Variants in PID1 observed in about 807,000 individuals in gnomAD.
PID1 encodes the protein phosphotyrosine interaction domain containing 1, also known as PTB-containing, cubilin and LRP1-interacting protein.
In PID1, 10 loss-of-function variants were observed where a neutral mutation model predicts 19.1. The observed-to-expected ratio is 0.52, with a 90% CI of 0.32 to 0.89. PID1 has a LOEUF of 0.89. PID1 is among the 40% of genes least tolerant of loss of function. PID1 has a pLI of 0.03. For synonymous variants in PID1, 130 were observed against 116.0 expected, an observed-to-expected ratio of 1.12 and a Z score of -0.78; for missense variants, 248 against 285.3, an observed-to-expected ratio of 0.87 and a Z score of 0.94.
At chr2:229,134,403 CTTT>C (rs11354687) in intron 2 of PID1, among the ~76,000 whole-genome samples, 1 of 141,316 alleles carries the variant, frequency 7.1e-6, no homozygotes, top group Non-Finnish European at 1.5e-5. Flanking sequence ...CCACTCCTGG[CTTT>C]TTTTTTTTTG....
intron 2 of PID1, among the ~76,000 whole-genome samples, chr2:229,035,662 CCA>C (rs879931473): frequency 2.0e-5 from 3 of 152,128 alleles, no homozygotes; most frequent in Non-Finnish European, 2.9e-5. Context: ...CCCAAGTCCT[CCA>C]CCACAAAACA....
At chr2:229,191,776 C>A (rs753480130) in intron 1 of PID1, among the ~76,000 whole-genome samples, 1 of 152,072 alleles carries the variant, frequency 6.6e-6, no homozygotes, top group Non-Finnish European at 1.5e-5. Context: ...TAAATCTCAT[C>A]AACTAAAGAG....
chr2:229,105,856 C>T (rs1032246070), intron 2 of PID1, among the ~76,000 whole-genome samples: 1 of 151,924 alleles, frequency 6.6e-6, no homozygotes, highest in East Asian at 1.9e-4. Context: ...GAGGCAGGCA[C>T]ATCATGAGGT....
At chr2:229,264,793 G>A (rs527684803) in intron 1 of PID1, among the ~76,000 whole-genome samples, 14 of 152,284 alleles carry the variant, frequency 9.2e-5, no homozygotes, top group Non-Finnish European at 1.3e-4. Context: ...GAATAGGACC[G>A]TGAGTCCTCT....
At chr2:229,081,214 C>T (rs772823384) in intron 2 of PID1, among the ~76,000 whole-genome samples, 1 of 152,138 alleles carries the variant, frequency 6.6e-6, no homozygotes, top group Non-Finnish European at 1.5e-5. Context: ...CATTCAAATA[C>T]ATTTAACCAT....
At chr2:229,145,155 G>GTGTATATATATATATATATA (rs1391018424) in intron 2 of PID1, among the ~76,000 whole-genome samples, 1 of 119,936 alleles carries the variant, frequency 8.3e-6, no homozygotes, top group African/African-American at 3.2e-5. Context: ...ATATGTATGT[G>GTGTATATATATATATATATA]TATATATATA....
At chr2:229,269,843 G>T (rs1466326891) in intron 1 of PID1, among the ~76,000 whole-genome samples, 1 of 152,092 alleles carries the variant, frequency 6.6e-6, no homozygotes, top group Non-Finnish European at 1.5e-5. Context: ...GGTGTCTCAG[G>T]CTCTGATAAA....
rs1200049219 is a variant in PID1 at position 229,096,045 on chromosome 2, AT to A, written c.177+59772del. 6.6e-5 allele frequency among the ~76,000 whole-genome samples: 10 copies of A among 152,334 alleles called. No homozygotes were observed. The East Asian group carries it at 1.7e-3, about 26-fold the overall frequency. ...TGTCAAATGATGTTGGAGAATAGTC[AT>A]ATAAGTAACAGATAGAGAAATGTCC... On this transcript the variant is annotated intron_variant, in intron 2 of 2. Transcript: ENST00000392055.
chr2:229,268,739 C>G (rs934291161), intron 1 of PID1, among the ~76,000 whole-genome samples: 1 of 152,128 alleles, frequency 6.6e-6, no homozygotes, highest in Non-Finnish European at 1.5e-5. Flanking sequence ...CCACTGCTAT[C>G]TCTGTGGCCA....
intron 2 of PID1, among the ~76,000 whole-genome samples, chr2:229,115,630 T>G (rs1408913525): frequency 6.6e-6 from 1 of 152,224 alleles, no homozygotes. Flanking sequence ...TCTCATTTTT[T>G]AGACTCCACT....
chr2:229,138,213 G>A (rs1444635092), intron 2 of PID1, among the ~76,000 whole-genome samples: 1 of 152,086 alleles, frequency 6.6e-6, no homozygotes, highest in East Asian at 1.9e-4. Context: ...CCCTCAGAAG[G>A]GGGAAGAAAA....
intron 2 of PID1, among the ~76,000 whole-genome samples, chr2:229,109,101 A>G (rs529629325): frequency 8.5e-5 from 13 of 152,342 alleles, no homozygotes; most frequent in African/African-American, 2.9e-4. Context: ...CGAGACTTTT[A>G]GGTGATTACA....
At chr2:229,261,261 C>T (rs528812090) in intron 1 of PID1, among the ~76,000 whole-genome samples, 1 of 152,190 alleles carries the variant, frequency 6.6e-6, no homozygotes, top group Non-Finnish European at 1.5e-5. Flanking sequence ...ACCCACAGTA[C>T]CAGTACCACC....
At chr2:229,086,110 T>A (rs1694759286) in intron 2 of PID1, among the ~76,000 whole-genome samples, 1 of 152,156 alleles carries the variant, frequency 6.6e-6, no homozygotes, top group Admixed American at 6.6e-5. Context: ...TCTTTATTTT[T>A]AAAATATAAT....
At chr2:229,168,501 T>C (rs1690647896) in intron 1 of PID1, among the ~76,000 whole-genome samples, 1 of 152,208 alleles carries the variant, frequency 6.6e-6, no homozygotes, top group Admixed American at 6.5e-5. Context: ...TCATTGTTTC[T>C]GCTATTGTTA....
intron 2 of PID1, among the ~76,000 whole-genome samples, chr2:229,151,463 C>G (rs1322749478): frequency 6.6e-6 from 1 of 152,092 alleles, no homozygotes; most frequent in Non-Finnish European, 1.5e-5. Flanking sequence ...TGAAATGGCT[C>G]TATGCCATGA....
chr2:229,160,985 T>C (rs1162267680), intron 1 of PID1, among the ~76,000 whole-genome samples: 3 of 152,204 alleles, frequency 2.0e-5, no homozygotes, highest in African/African-American at 7.2e-5. Context: ...TCTCCACTAC[T>C]GCATGCTGCC....
At chr2:229,038,491 G>A (rs1317062548) in intron 2 of PID1, among the ~76,000 whole-genome samples, 1 of 152,120 alleles carries the variant, frequency 6.6e-6, no homozygotes, top group Non-Finnish European at 1.5e-5. Context: ...CAAAACTTTA[G>A]AACTGGAGAA....
chr2:229,216,515 A>G (rs1691849615), intron 1 of PID1, among the ~76,000 whole-genome samples: 1 of 152,350 alleles, frequency 6.6e-6, no homozygotes, highest in Non-Finnish European at 1.5e-5. Context: ...CAGAGAAAAG[A>G]GCAGAAAAAT....
Sources: allele counts gnomAD v4.1 joint callset (sites outside exome capture counted in the v4.1 genomes callset), GRCh38; gene constraint gnomAD v4.1.1; transcripts MANE v1.5; gene names NCBI Gene and HGNC (gene_info 2026-07-23, HGNC 2026-07-21).